The following MGAM variants were observed in gnomAD, a reference collection of about 807,000 sequenced individuals.
The protein encoded by MGAM is maltase-glucoamylase.
A neutral mutation model predicts 358.8 loss-of-function variants in MGAM; 253 were observed. That is an observed-to-expected ratio of 0.71 (90% CI 0.64 to 0.78). The LOEUF (loss-of-function observed/expected upper bound fraction) is 0.78. Ranked by LOEUF, MGAM falls within the 30% of genes least tolerant of loss-of-function variation. The pLI, the probability that MGAM is intolerant of heterozygous loss-of-function variation, is 0.00. For synonymous variants in MGAM, 1,105 were observed against 1,227.1 expected, an observed-to-expected ratio of 0.90 and a Z score of 2.08; for missense variants, 3,080 against 3,432.6, an observed-to-expected ratio of 0.90 and a Z score of 2.57.
Position 142,018,855 on chromosome 7 carries a change from G to A in MGAM, c.328-344G>A, listed in dbSNP as rs551669713. ...ATTTTCATTTTTAAAAGTCAAAGCC[G>A]ATATAAATGAAGCTCCATTTGTAAT... On this transcript the variant is annotated intron_variant, in intron 3 of 70. Transcript: ENST00000475668. Among the ~76,000 whole-genome samples, 19 of 152,174 alleles carry A rather than the reference G, an allele frequency of 1.2e-4. No individual in the cohort carries two copies. The South Asian group carries it at 3.7e-3, about 30-fold the overall frequency.
chr7:142,028,531 G>A (rs1807171122), intron 10 of MGAM, among the ~76,000 whole-genome samples: 1 of 152,128 alleles, frequency 6.6e-6, no homozygotes, highest in Admixed American at 6.6e-5. Context: ...AATACTGCAT[G>A]TGACTACATG....
Position 142,106,187 on chromosome 7 carries a change from A to T in MGAM, c.*296A>T. 4.4e-6 allele frequency: 1 copy of T among 227,680 alleles called. No homozygotes were observed. The highest frequency in any genetic ancestry group is 9.0e-6 in the Non-Finnish European group (1 of 111,668). The allele number at this position is 227,680 out of a possible 1,614,324, so 14.1% of individuals were successfully genotyped here. ...CTGAAGATGAACTGGGTCCATGATG[A>T]AGTGTGTGTATGTCCACGTTTGTAA... On this transcript the variant is annotated 3_prime_UTR_variant, in exon 71 of 71. Transcript: ENST00000475668.
At chr7:142,094,525 C>CCGGTAGGG (rs1331936094) in intron 61 of MGAM, 28 bp downstream of exon 61, 1 of 1,553,716 alleles carries the variant, frequency 6.4e-7, no homozygotes, top group African/African-American at 1.3e-5. Flanking sequence ...AGGGCCTGTG[C>CCGGTAGGG]CGGTAGGGCA....
chr7:142,098,585 G>A (rs1258862379), intron 66 of MGAM, among the ~76,000 whole-genome samples: 1 of 152,160 alleles, frequency 6.6e-6, no homozygotes, highest in African/African-American at 2.4e-5. Flanking sequence ...TGGAGCCCAA[G>A]TCCTCTCCAC....
At chr7:142,015,552 T>A (rs1805902305) in intron 3 of MGAM, among the ~76,000 whole-genome samples, 1 of 152,114 alleles carries the variant, frequency 6.6e-6, no homozygotes, top group South Asian at 2.1e-4. Context: ...TTATTCATTC[T>A]ATTTTTTCTA....
At chr7:142,051,290 T>A (rs10257488) in intron 24 of MGAM, among the ~76,000 whole-genome samples, 42,974 of 151,238 alleles carry the variant, frequency 0.28, 6,432 homozygotes, top group Admixed American at 0.33. Flanking sequence ...ACCAACTTGA[T>A]TTAATTCTCA....
intron 21 of MGAM, among the ~76,000 whole-genome samples, chr7:142,041,894 T>TG (rs1808629982): frequency 9.1e-5 from 4 of 44,024 alleles, no homozygotes; most frequent in African/African-American, 4.9e-4. Context: ...GTATAATATA[T>TG]AATATATATA....
intron 40 of MGAM, among the ~76,000 whole-genome samples, chr7:142,066,220 A>G (rs1242249188): frequency 6.8e-6 from 1 of 146,150 alleles, no homozygotes; most frequent in African/African-American, 2.4e-5. Flanking sequence ...ACAGCCTCCA[A>G]AAGTGCTGGG....
At chr7:141,999,164 A>G (rs1260809562) in intron 1 of MGAM, among the ~76,000 whole-genome samples, 1 of 152,196 alleles carries the variant, frequency 6.6e-6, no homozygotes, top group Non-Finnish European at 1.5e-5. Context: ...TAGGAACTTA[A>G]TAAATAATTC....
chr7:142,062,171 G>T (rs1407853723), intron 34 of MGAM, among the ~76,000 whole-genome samples: 9 of 152,142 alleles, frequency 5.9e-5, no homozygotes. Context: ...GGGAGTCCCT[G>T]GGTGTTTCTT....
At chr7:142,055,850 T>C (rs1811469354) in intron 28 of MGAM, 124 bp downstream of exon 28, 4 of 1,490,344 alleles carry the variant, frequency 2.7e-6, no homozygotes, top group Non-Finnish European at 3.6e-6. Flanking sequence ...AGTGGGCCAA[T>C]TCTCAGGCTC....
At position 142,075,274 on chromosome 7, in the gene MGAM, C is replaced by A. The variant is rs2129049537; in HGVS notation, c.5276-929C>A. ...ATAGACACTTAGGTTGTTTTCATAT[C>A]TTGGCTACTGTGAAGAAAGAAATTA... On this transcript the variant is annotated intron_variant, in intron 45 of 70. Coordinates refer to ENST00000475668, the MANE Select transcript of MGAM (RefSeq NM_001365693.1). Among the ~76,000 whole-genome samples, 2 of 146,408 alleles carry A rather than the reference C, an allele frequency of 1.4e-5. 1 individual carries two copies. The highest frequency in any genetic ancestry group is 4.4e-4 in the South Asian group (2 of 4,582).
chr7:142,007,679 A>G (rs1554452893), intron 2 of MGAM, among the ~76,000 whole-genome samples: 1 of 152,200 alleles, frequency 6.6e-6, no homozygotes, highest in Non-Finnish European at 1.5e-5. Flanking sequence ...TTAGGATACA[A>G]TAAAAATACC....
intron 21 of MGAM, among the ~76,000 whole-genome samples, chr7:142,044,650 A>T (rs1249308229): frequency 1.4e-5 from 1 of 73,822 alleles, no homozygotes; most frequent in Non-Finnish European, 2.8e-5. Flanking sequence ...AATATATGAT[A>T]TATAATGTAT....
rs1212705313 is a variant in MGAM at position 142,082,676 on chromosome 7, T to C, written c.6268+105T>C. On this transcript the variant is annotated intron_variant, in intron 52 of 70. Coordinates refer to ENST00000475668, the MANE Select transcript of MGAM (RefSeq NM_001365693.1). ...TGTTCCTTGAAGTCAAAATCTTCATTTTACGGGCACTGCTGTTTATTTTTT... is the reference window on the plus strand; with the variant it reads ...TGTTCCTTGAAGTCAAAATCTTCATCTTACGGGCACTGCTGTTTATTTTTT... 2 of 942,416 alleles carry C rather than the reference T, an allele frequency of 2.1e-6. 1 individual carries two copies. The highest frequency in any genetic ancestry group is 3.2e-6 in the Non-Finnish European group (2 of 629,554). The allele number at this position is 942,416 out of a possible 1,614,324, so 58.4% of individuals were successfully genotyped here.
At position 142,008,700 on chromosome 7, in the gene MGAM, A is replaced by G. The variant is rs1554453383; in HGVS notation, c.322A>G (p.Thr108Ala). The G allele has an allele frequency of 1.9e-6, 3 of 1,612,098 alleles. No individual in the cohort carries two copies. The highest frequency in any genetic ancestry group is 2.2e-5 in the East Asian group (1 of 44,876). The change falls in exon 3 of 71, where the codon ACA becomes GCA. Residue 108 changes from threonine (T) to alanine (A), a missense_variant. Physicochemically the swap from Thr to Ala is moderately conservative, Grantham distance 58. Around this residue, in one of 5 missense-constraint regions of MGAM, gnomAD observed 1,816 missense variants for 1,840.5 expected, o/e 0.99. Transcript: ENST00000475668. ...TAATTGCATCCCTGACCAGCCGCCA[A>G]CAAAGGTTTGAGTTATGAATTTTGT... ...RINCIPDQPP[T>A]KATCDQRGCC...
chr7:142,015,976 G>A (rs1441478289), intron 3 of MGAM, among the ~76,000 whole-genome samples: 6 of 152,124 alleles, frequency 3.9e-5, no homozygotes, highest in Non-Finnish European at 5.9e-5. Flanking sequence ...TATTTCTGGA[G>A]GAAACACCAC....
chr7:142,054,823 A>G lies in MGAM; in HGVS notation c.3229A>G (p.Thr1077Ala). Residue 1077 changes from threonine to alanine, a missense_variant, in exon 27 of 71, where the codon ACC becomes GCC. By Grantham distance (58) the Thr-to-Ala change is moderately conservative. Transcript: ENST00000475668. The stretch of plus-strand genomic sequence containing the variant: ...GAACATACCCAGCATGCCATCCAGC[A>G]CCCCTGAGGGTCAACTCTATGATGT... The part of the protein sequence containing the change: ...PLNIPSMPSS[T>A]PEGQLYDVLI... 6.2e-7 allele frequency: 1 copy of G among 1,613,986 alleles called. No homozygotes were observed. The highest frequency in any genetic ancestry group is 8.5e-7 in the Non-Finnish European group (1 of 1,179,868).
intron 34 of MGAM, among the ~76,000 whole-genome samples, chr7:142,060,715 C>T (rs1446589268): frequency 6.6e-6 from 1 of 152,096 alleles, no homozygotes; most frequent in East Asian, 1.9e-4. Context: ...CCTAGCAGTG[C>T]CATCTTTTCT....
Sources: gnomAD v4.1 joint callset for allele counts (sites outside exome capture counted in the v4.1 genomes callset) on GRCh38, gnomAD v4.1.1 for gene constraint, gnomAD v4.1.1 regional missense constraint, MANE v1.5 for transcripts, NCBI Gene and HGNC (gene_info 2026-07-23, HGNC 2026-07-21) for gene names.